Variants in CNTN5 observed in about 807,000 individuals in gnomAD.
CNTN5 encodes the protein contactin 5, also known as contactin-5.
A neutral mutation model predicts 129.1 loss-of-function variants in CNTN5; 77 were observed. That is an observed-to-expected ratio of 0.60 (90% confidence interval 0.50 to 0.72). The LOEUF is 0.72. CNTN5 is among the 30% of genes least tolerant of loss of function. The pLI, the probability that CNTN5 is intolerant of heterozygous loss-of-function variation, is 0.00. For missense variants in CNTN5, 1,478 were observed against 1,328.8 expected (o/e 1.11, Z -1.75); for synonymous variants, 509 against 465.6 (o/e 1.09, Z -1.20).
intron 6 of CNTN5, among the ~76,000 whole-genome samples, chr11:99,850,811 C>T (rs1184415573): frequency 2.6e-5 from 4 of 152,026 alleles, no homozygotes; most frequent in African/African-American, 7.2e-5. Context: ...TCTATTTCCC[C>T]TGCACACCCA....
At chr11:99,909,952 A>G (rs759411508) in intron 6 of CNTN5, among the ~76,000 whole-genome samples, 16 of 150,140 alleles carry the variant, frequency 1.1e-4, no homozygotes, top group Non-Finnish European at 1.8e-4. Context: ...CCTAAAACTT[A>G]AAGTATAATA....
At chr11:99,049,429 T>C (rs2135168538) in intron 1 of CNTN5, among the ~76,000 whole-genome samples, 1 of 152,270 alleles carries the variant, frequency 6.6e-6, no homozygotes, top group African/African-American at 2.4e-5. Context: ...GTTACCCTAA[T>C]TCCTTCATGT....
chr11:100,048,728 C>T (rs887912076), intron 9 of CNTN5, among the ~76,000 whole-genome samples: 6 of 151,400 alleles, frequency 4.0e-5, no homozygotes, highest in African/African-American at 9.7e-5. Flanking sequence ...AGCTACATAA[C>T]GTATATCAAG....
intron 3 of CNTN5, among the ~76,000 whole-genome samples, chr11:99,777,461 C>G (rs180986864): frequency 6.6e-6 from 1 of 151,856 alleles, no homozygotes; most frequent in Non-Finnish European, 1.5e-5. Context: ...ACGATGCTAA[C>G]ACAATGTCTC....
intron 1 of CNTN5, among the ~76,000 whole-genome samples, chr11:99,146,078 T>C (rs1045114567): frequency 6.6e-6 from 1 of 152,140 alleles, no homozygotes; most frequent in African/African-American, 2.4e-5. Context: ...ATATTAAATC[T>C]TAACTCATCA....
At chr11:99,031,957 T>C (rs371188921) in intron 1 of CNTN5, among the ~76,000 whole-genome samples, 11,095 of 129,584 alleles carry the variant, frequency 0.086, 805 homozygotes, top group East Asian at 0.22. Context: ...TGATGTTCCC[T>C]TTCCTGTGTC....
chr11:100,231,631 C>T lies in CNTN5; in HGVS notation c.2005+6819C>T, dbSNP rs115180149. Among the ~76,000 whole-genome samples the T allele has an allele frequency of 5.1e-3, 776 of 152,168 alleles. 6 individuals are homozygous for T. Among genetic ancestry groups the T allele is most frequent in the African/African-American group, 0.018 (737 of 41,512 alleles). On this transcript the variant is annotated intron_variant, in intron 16 of 24. Transcript: ENST00000524871. ...GTTTAGAAGATAAATTTTGTGGTCC[C>T]CTAATAGAGAATGATCATGCAATCA...
chr11:99,575,947 A>G (rs1218799408), intron 3 of CNTN5, among the ~76,000 whole-genome samples: 2 of 152,280 alleles, frequency 1.3e-5, no homozygotes, highest in East Asian at 3.9e-4. Context: ...GCAACCCACT[A>G]GAGAATCCGT....
At chr11:99,809,859 G>A (rs190442078) in intron 3 of CNTN5, among the ~76,000 whole-genome samples, 2 of 152,120 alleles carry the variant, frequency 1.3e-5, no homozygotes, top group Admixed American at 1.3e-4. Flanking sequence ...GAAAGTAAAA[G>A]CTAATATAAT....
chr11:99,965,475 T>G (rs1207426797), intron 8 of CNTN5, among the ~76,000 whole-genome samples: 3 of 152,190 alleles, frequency 2.0e-5, no homozygotes, highest in African/African-American at 7.2e-5. Flanking sequence ...CGGTTTTGAG[T>G]GAATTTCTTA....
At chr11:99,796,363 G>A (rs1233017687) in intron 3 of CNTN5, among the ~76,000 whole-genome samples, 1 of 152,044 alleles carries the variant, frequency 6.6e-6, no homozygotes, top group South Asian at 2.1e-4. Flanking sequence ...GGGAGGTGAT[G>A]TCCACCTGTA....
At position 100,140,475 on chromosome 11, in the gene CNTN5, G is replaced by T. The variant is rs540024054; in HGVS notation, c.1581-50651G>T. Among the ~76,000 whole-genome samples, 227 of 152,288 alleles carry T rather than the reference G, an allele frequency of 1.5e-3. 2 individuals carry two copies. The South Asian group carries it at 0.021, about 14-fold the overall frequency. On this transcript the variant is annotated intron_variant, in intron 13 of 24. Coordinates refer to ENST00000524871, the MANE Select transcript of CNTN5 (RefSeq NM_014361.4). ...GGACAGTGAGATTAATGAATTGTTGGTCTTGATGAGATTAAAGGCTTGTTG... is the reference window on the plus strand; with the variant it reads ...GGACAGTGAGATTAATGAATTGTTGTTCTTGATGAGATTAAAGGCTTGTTG...
intron 2 of CNTN5, among the ~76,000 whole-genome samples, chr11:99,333,799 A>T (rs538054639): frequency 1.3e-5 from 2 of 152,208 alleles, no homozygotes; most frequent in East Asian, 3.9e-4. Context: ...TTTCCAGGTC[A>T]TTTAACTCTC....
intron 6 of CNTN5, among the ~76,000 whole-genome samples, chr11:99,907,414 A>G (rs1456212145): frequency 6.6e-6 from 1 of 152,012 alleles, no homozygotes; most frequent in Admixed American, 6.6e-5. Context: ...GGGTATTTTT[A>G]CATTATAGTC....
At chr11:99,205,133 T>G (rs1369468979) in intron 1 of CNTN5, among the ~76,000 whole-genome samples, 1 of 147,416 alleles carries the variant, frequency 6.8e-6, no homozygotes, top group Non-Finnish European at 1.5e-5. Flanking sequence ...TTAGAATTGA[T>G]TTAGAATAAA....
At chr11:99,023,553 A>T (rs1440471036) in intron 1 of CNTN5, among the ~76,000 whole-genome samples, 1 of 152,182 alleles carries the variant, frequency 6.6e-6, no homozygotes, top group Admixed American at 6.5e-5. Flanking sequence ...AAAAATGATG[A>T]AAACTTCTCT....
intron 2 of CNTN5, among the ~76,000 whole-genome samples, chr11:99,421,578 G>A (rs1942890400): frequency 6.6e-6 from 1 of 152,106 alleles, no homozygotes; most frequent in African/African-American, 2.4e-5. Flanking sequence ...GCATGACATT[G>A]ACTTATGACA....
chr11:100,066,362 G>A (rs564040309), intron 10 of CNTN5, among the ~76,000 whole-genome samples: 3 of 152,062 alleles, frequency 2.0e-5, no homozygotes, highest in African/African-American at 7.2e-5. Context: ...TGATCTATGC[G>A]GATAAAATAT....
chr11:100,036,738 T>A (rs1425138126), intron 9 of CNTN5, among the ~76,000 whole-genome samples: 1 of 149,680 alleles, frequency 6.7e-6, no homozygotes, highest in East Asian at 1.9e-4. Context: ...CAATTGTGAA[T>A]GGGAGTTCAC....
Sources: allele counts gnomAD v4.1 joint callset (sites outside exome capture counted in the v4.1 genomes callset), GRCh38; gene constraint gnomAD v4.1.1; transcripts MANE v1.5; gene names NCBI Gene and HGNC (gene_info 2026-07-23, HGNC 2026-07-21).